PCDHGB5: variants seen among roughly 807,000 people sequenced by gnomAD.
The protein encoded by PCDHGB5 is protocadherin gamma-B5.
Under a neutral mutation model 62.9 loss-of-function variants are expected in PCDHGB5, and 48 were observed. The ratio of observed to expected loss-of-function variants is 0.76; its 90% CI spans 0.61 to 0.97. PCDHGB5 has a LOEUF of 0.97. Ranked by LOEUF, PCDHGB5 falls within the 50% of genes least tolerant of loss-of-function variation. The pLI is 0.00. For synonymous variants in PCDHGB5, 474 were observed against 511.2 expected, an observed-to-expected ratio of 0.93 and a Z score of 0.98; for missense variants, 1,118 against 1,198.6, an observed-to-expected ratio of 0.93 and a Z score of 0.99.
Position 141,491,900 on chromosome 5 carries a change from G to T in PCDHGB5, c.2398-2907G>T. The T allele has an allele frequency of 7.0e-7, 1 of 1,429,936 alleles. No homozygotes were observed. The highest frequency in any genetic ancestry group is 1.5e-5 in the South Asian group (1 of 67,072). 88.6% of individuals were successfully genotyped at this position (1,429,936 alleles called of 1,614,324 possible). A position where few individuals can be genotyped will look rare whatever the true frequency, so the allele number is the denominator to read the frequency against. ...TAAGGGATGGGGCTCCGAGCACCGG[G>T]GGTGGTGGCGACTGTGGGCGAGGGG... On this transcript the variant is annotated intron_variant, in intron 1 of 3. Transcript: ENST00000617380. This position sits in a 1 kb window ranked among gnomAD's most constrained non-coding sequence, Gnocchi z 6.9.
At chr5:141,463,438 CTTTTTTTTTTTTT>C (rs71576115) in intron 1 of PCDHGB5, among the ~76,000 whole-genome samples, 4 of 103,254 alleles carry the variant, frequency 3.9e-5, no homozygotes, top group South Asian at 3.2e-4. Flanking sequence ...TTTCCTTCTC[CTTTTTTTTTTTTT>C]TTTTTTTTTT....
intron 1 of PCDHGB5, among the ~76,000 whole-genome samples, chr5:141,479,977 A>G (rs145953890): frequency 0.015 from 2,300 of 152,320 alleles, 30 homozygotes; most frequent in Non-Finnish European, 0.024. Context: ...AGGTTCTACC[A>G]TTTACCAACT....
At chr5:141,410,995 T>A in intron 1 of PCDHGB5, 1 of 174,388 alleles carries the variant, frequency 5.7e-6, no homozygotes, top group South Asian at 1.4e-4. Flanking sequence ...CTGGGATTAC[T>A]GGTGCCCCTC....
chr5:141,410,809 G>C, intron 1 of PCDHGB5: 1 of 292,002 alleles, frequency 3.4e-6, no homozygotes, highest in Admixed American at 5.8e-5. Flanking sequence ...CTATCTTTTT[G>C]TAAAATAATG....
Position 141,399,955 on chromosome 5 carries a change from C to G in PCDHGB5, c.1828C>G (p.Pro610Ala). The G allele has an allele frequency of 6.2e-7, 1 of 1,612,146 alleles. No homozygotes were observed. Residue 610 changes from proline (P) to alanine (A), a missense_variant, in exon 1 of 4, where the codon CCC (proline) becomes GCC (alanine). Coordinates refer to ENST00000617380, the MANE Select transcript of PCDHGB5 (RefSeq NM_018925.3). Reference sequence around the variant, plus strand: ...CTACCACGTGCTGCAGGCTAGCGAGCCCGGGCTCTTCAGCCTGGGGCTGCG... The same window carrying G: ...CTACCACGTGCTGCAGGCTAGCGAGGCCGGGCTCTTCAGCCTGGGGCTGCG... Reference protein sequence around the residue: ...LSYHVLQASEPGLFSLGLRTG... With the variant: ...LSYHVLQASEAGLFSLGLRTG...
Position 141,432,325 on chromosome 5 carries a change from C to CGAGCA in PCDHGB5, c.2397+31803_2397+31807dup, listed in dbSNP as rs768604869. On this transcript the variant is annotated intron_variant, in intron 1 of 3. Coordinates refer to ENST00000617380, the MANE Select transcript of PCDHGB5 (RefSeq NM_018925.3). This position sits in a 1 kb window ranked among gnomAD's most constrained non-coding sequence, Gnocchi z 6.0. Reference sequence around the variant, plus strand: ...TGTATGCGCTGAGCTCCTTCGACTACGAGCAGTTCCGAGACTTGCAAGTGA... The same window carrying CGAGCA: ...TGTATGCGCTGAGCTCCTTCGACTACGAGCAGAGCAGTTCCGAGACTTGCAAGTGA... 20 of 1,614,142 alleles carry CGAGCA rather than the reference C, an allele frequency of 1.2e-5. No individual in the cohort carries two copies. Among genetic ancestry groups the CGAGCA allele is most frequent in the Non-Finnish European group, 1.7e-5 (20 of 1,180,050 alleles).
intron 3 of PCDHGB5, among the ~76,000 whole-genome samples, chr5:141,508,937 G>T (rs764041162): frequency 3.0e-4 from 45 of 152,040 alleles, no homozygotes; most frequent in Non-Finnish European, 6.3e-4. Flanking sequence ...AGTTAATTAG[G>T]GAAAACAGAG....
At position 141,421,672 on chromosome 5, in the gene PCDHGB5, C is replaced by T; in HGVS notation, c.2397+21148C>T. On this transcript the variant is annotated intron_variant, in intron 1 of 3. Coordinates refer to ENST00000617380, the MANE Select transcript of PCDHGB5 (RefSeq NM_018925.3). Reference sequence around the variant, plus strand: ...GATAAAAGTCAGTGAGCACGCAATTCCTGGGGCGCGATTTGCTCTTCCTAA... The same window carrying T: ...GATAAAAGTCAGTGAGCACGCAATTTCTGGGGCGCGATTTGCTCTTCCTAA... 4 of 1,613,862 alleles carry T rather than the reference C, an allele frequency of 2.5e-6. No individual in the cohort carries two copies. The highest frequency in any genetic ancestry group is 1.6e-4 in the Middle Eastern group (1 of 6,062).
At position 141,491,809 on chromosome 5, in the gene PCDHGB5, C is replaced by A. The variant is rs1421763758; in HGVS notation, c.2398-2998C>A. The A allele has an allele frequency of 6.7e-7, 1 of 1,487,044 alleles. No homozygotes were observed. The highest frequency in any genetic ancestry group is 1.4e-5 in the South Asian group (1 of 72,986). The allele number at this position is 1,487,044 out of a possible 1,614,324, so 92.1% of individuals were successfully genotyped here. On this transcript the variant is annotated intron_variant, in intron 1 of 3. Coordinates refer to ENST00000617380, the MANE Select transcript of PCDHGB5 (RefSeq NM_018925.3). This position sits in a 1 kb window ranked among gnomAD's most constrained non-coding sequence, Gnocchi z 6.9. Reference sequence around the variant, plus strand: ...TCCACTCCTCTCCGGCCGGCTTGGTCGCTGGCTGCGCTCCACCCGATTCTC... The same window carrying A: ...TCCACTCCTCTCCGGCCGGCTTGGTAGCTGGCTGCGCTCCACCCGATTCTC...
At chr5:141,496,844 T>G (rs1275272674) in intron 2 of PCDHGB5, among the ~76,000 whole-genome samples, 2 of 150,852 alleles carry the variant, frequency 1.3e-5, no homozygotes, top group Non-Finnish European at 2.9e-5. Context: ...CTCATAGGCT[T>G]CCAGACCAGC....
At chr5:141,504,269 A>T (rs7715517) in intron 2 of PCDHGB5, among the ~76,000 whole-genome samples, 3,100 of 152,246 alleles carry the variant, frequency 0.02, 113 homozygotes, top group African/African-American at 0.07. Context: ...GTATTTTTTT[A>T]AATTATGAAT....
In PCDHGB5 at chr5:141,404,306, T is replaced by C. The variant is rs200297928; in HGVS notation, c.2397+3782T>C. 1,450 of 1,613,824 alleles carry C rather than the reference T, an allele frequency of 9.0e-4. 2 individuals carry two copies. Among genetic ancestry groups the C allele is most frequent in the Admixed American group, 2.4e-3 (143 of 60,004 alleles). ...TGACATCAATGATAATCCACCTGCT[T>C]TCTCTCAAGCCTCCTACTCAGTCTA... On this transcript the variant is annotated intron_variant, in intron 1 of 3. Coordinates refer to ENST00000617380, the MANE Select transcript of PCDHGB5 (RefSeq NM_018925.3).
chr5:141,476,557 C>T lies in PCDHGB5; in HGVS notation c.2398-18250C>T. On this transcript the variant is annotated intron_variant, in intron 1 of 3. Coordinates refer to ENST00000617380, the MANE Select transcript of PCDHGB5 (RefSeq NM_018925.3). This position sits in a 1 kb window ranked among gnomAD's most constrained non-coding sequence, Gnocchi z 7.6. ...AAATGAAATTGGAGATTAGCGAGGC[C>T]GTGGCTCCGGGGACGCGCTTTCCGC... The T allele has an allele frequency of 1.2e-6, 2 of 1,614,222 alleles. No homozygotes were observed. The highest frequency in any genetic ancestry group is 1.3e-5 in the African/African-American group (1 of 75,060).
rs1464961193 is a variant in PCDHGB5 at position 141,432,346 on chromosome 5, A to G, written c.2397+31822A>G. The G allele has an allele frequency of 6.2e-7, 1 of 1,614,192 alleles. No homozygotes were observed. Among genetic ancestry groups the G allele is most frequent in the African/African-American group, 1.3e-5 (1 of 75,054 alleles). On this transcript the variant is annotated intron_variant, in intron 1 of 3. Coordinates refer to ENST00000617380, the MANE Select transcript of PCDHGB5 (RefSeq NM_018925.3). This position sits in a 1 kb window ranked among gnomAD's most constrained non-coding sequence, Gnocchi z 6.0. ...ACTACGAGCAGTTCCGAGACTTGCA[A>G]GTGAAAGTGATGGCGCGGGACAACG...
At chr5:141,433,257 G>A (rs764036349) in intron 1 of PCDHGB5, 4 of 1,385,412 alleles carry the variant, frequency 2.9e-6, no homozygotes, top group Non-Finnish European at 4.0e-6. Context: ...GCAGCGGTAC[G>A]ATCATAGCTC....
intron 1 of PCDHGB5, among the ~76,000 whole-genome samples, chr5:141,449,339 G>T (rs1307731679): frequency 6.6e-6 from 1 of 151,930 alleles, no homozygotes; most frequent in Non-Finnish European, 1.5e-5. Context: ...AGGTGCAGTG[G>T]CTCACTCCTG....
intron 1 of PCDHGB5, chr5:141,428,680 G>T: frequency 6.1e-6 from 1 of 162,778 alleles, no homozygotes; most frequent in Admixed American, 5.8e-5. Context: ...ATTTACAAAT[G>T]GATGAGGTTT....
At chr5:141,421,184 C>T (rs2096551183) in intron 1 of PCDHGB5, 4 of 1,457,822 alleles carry the variant, frequency 2.7e-6, no homozygotes, top group Non-Finnish European at 3.7e-6. Context: ...CGATTCACAA[C>T]CAACCAGCTC....
intron 3 of PCDHGB5, 62 bp downstream of exon 3, chr5:141,505,543 C>T: frequency 6.2e-7 from 1 of 1,609,636 alleles, no homozygotes; most frequent in Non-Finnish European, 8.5e-7. Flanking sequence ...GTGCATCTCA[C>T]AGCCACCATG....
Sources: allele counts gnomAD v4.1 joint callset (sites outside exome capture counted in the v4.1 genomes callset), GRCh38; gene constraint gnomAD v4.1.1; non-coding constraint Gnocchi (gnomAD v3.1); transcripts MANE v1.5; gene names NCBI Gene and HGNC (gene_info 2026-07-23, HGNC 2026-07-21).